UST: variants seen among roughly 807,000 people sequenced by gnomAD.
The protein encoded by UST is chondroitin sulfate 2-O-sulfotransferase.
UST carries 21 observed loss-of-function variants against 45.6 expected under a neutral mutation model. The ratio of observed to expected loss-of-function variants is 0.46; its 90% CI spans 0.33 to 0.66. The LOEUF (loss-of-function observed/expected upper bound fraction) is 0.66. Ranked by LOEUF, UST falls within the 30% of genes least tolerant of loss-of-function variation. UST has a pLI of 0.02. For missense variants in UST, 463 were observed against 512.4 expected (o/e 0.90, Z 0.93); for synonymous variants, 215 against 200.6 (o/e 1.07, Z -0.61).
intron 1 of UST, among the ~76,000 whole-genome samples, chr6:148,845,894 G>T (rs922510023): frequency 1.3e-5 from 2 of 151,460 alleles, no homozygotes; most frequent in African/African-American, 4.8e-5. Context: ...AAACCACAAT[G>T]AGATACCATC....
chr6:148,818,243 C>T (rs1349107196), intron 1 of UST, among the ~76,000 whole-genome samples: 1 of 150,526 alleles, frequency 6.6e-6, no homozygotes, highest in African/African-American at 2.5e-5. Context: ...TGTCTTAGGC[C>T]ACTGAAATAA....
chr6:148,833,932 T>C (rs904141404), intron 1 of UST, among the ~76,000 whole-genome samples: 1 of 152,226 alleles, frequency 6.6e-6, no homozygotes, highest in African/African-American at 2.4e-5. Flanking sequence ...TTCTTATCAA[T>C]ATGAGCATTC....
chr6:148,919,024 TGCTGTAA>T (rs1456639184), intron 2 of UST, among the ~76,000 whole-genome samples: 1 of 152,224 alleles, frequency 6.6e-6, no homozygotes, highest in Admixed American at 6.5e-5. Context: ...GCATGGCTGT[TGCTGTAA>T]GCCTGTGATC....
At chr6:149,038,147 C>T (rs1407805747) in intron 7 of UST, among the ~76,000 whole-genome samples, 1 of 151,830 alleles carries the variant, frequency 6.6e-6, no homozygotes, top group African/African-American at 2.4e-5. Context: ...TAGCAAAGTA[C>T]CTTAGACTTA....
intron 5 of UST, among the ~76,000 whole-genome samples, chr6:148,987,745 G>T (rs1399722727): frequency 6.6e-6 from 1 of 152,048 alleles, no homozygotes. Context: ...TCCACCATTT[G>T]GGAAACATCA....
At chr6:148,871,769 A>G (rs1778563897) in intron 1 of UST, among the ~76,000 whole-genome samples, 2 of 152,200 alleles carry the variant, frequency 1.3e-5, no homozygotes, top group African/African-American at 4.8e-5. Flanking sequence ...ATTTCATTAC[A>G]TAAGAGAAAC....
chr6:148,941,966 C>G (rs574805330), intron 3 of UST, among the ~76,000 whole-genome samples: 72 of 152,140 alleles, frequency 4.7e-4, no homozygotes, highest in African/African-American at 1.7e-3. Context: ...CAATTTTGCC[C>G]TAGTGTAGCT....
intron 7 of UST, among the ~76,000 whole-genome samples, chr6:149,062,655 T>C (rs1412581669): frequency 6.6e-6 from 1 of 152,114 alleles, no homozygotes; most frequent in Non-Finnish European, 1.5e-5. Context: ...GAGAAGTGGG[T>C]GGTTATAGAT....
chr6:148,802,698 G>T lies in UST; in HGVS notation c.247+55021G>T, dbSNP rs969661461. Among the ~76,000 whole-genome samples the T allele has an allele frequency of 3.3e-5, 5 of 152,276 alleles. No individual in the cohort carries two copies. The East Asian group carries it at 9.6e-4, about 29-fold the overall frequency. On this transcript the variant is annotated intron_variant, in intron 1 of 7. Transcript: ENST00000367463. ...GGGTGGGAGGAAATGCTAATATATT[G>T]TCCCAGGTTTTATGCTTGGGAAGCA...
intron 5 of UST, chr6:149,005,508 A>C (rs1781629042): frequency 2.0e-6 from 2 of 985,312 alleles, no homozygotes; most frequent in African/African-American, 1.7e-5. Flanking sequence ...TCATTTAATG[A>C]GATAGAATTA....
intron 4 of UST, among the ~76,000 whole-genome samples, chr6:148,961,488 G>C (rs1041673030): frequency 3.3e-5 from 5 of 152,212 alleles, no homozygotes; most frequent in Non-Finnish European, 7.4e-5. Flanking sequence ...AAAAGCCAAA[G>C]GAATGTTTGA....
chr6:149,029,532 T>G (rs2115024609), intron 7 of UST, among the ~76,000 whole-genome samples: 1 of 148,650 alleles, frequency 6.7e-6, no homozygotes. Flanking sequence ...ACTCTGGCTT[T>G]AGTTTTAAAA....
chr6:148,776,987 T>C (rs1469147903), intron 1 of UST, among the ~76,000 whole-genome samples: 3 of 152,204 alleles, frequency 2.0e-5, no homozygotes, highest in African/African-American at 7.2e-5. Context: ...GTAGCAGCTC[T>C]CCATCCCACT....
At chr6:148,865,664 TTGTGTGTGTGTGTG>T (rs56252604) in intron 1 of UST, among the ~76,000 whole-genome samples, 1,298 of 117,892 alleles carry the variant, frequency 0.011, 19 homozygotes, top group African/African-American at 0.036. Flanking sequence ...CTTGCTGAAA[TTGTGTGTGTGTGTG>T]TGTGTGTGTG....
chr6:148,921,274 A>G (rs956517142), intron 2 of UST, among the ~76,000 whole-genome samples: 1 of 152,212 alleles, frequency 6.6e-6, no homozygotes, highest in Admixed American at 6.5e-5. Flanking sequence ...GATTAAATAC[A>G]TACAGATTAA....
chr6:149,025,195 A>T (rs181349017), intron 7 of UST, among the ~76,000 whole-genome samples: 2 of 152,350 alleles, frequency 1.3e-5, no homozygotes, highest in Admixed American at 6.5e-5. Context: ...ACAGGTTAAT[A>T]ACCTTTCTCA....
At position 148,894,232 on chromosome 6, in the gene UST, T is replaced by C. The variant is rs1045190034; in HGVS notation, c.291+7203T>C. Among the ~76,000 whole-genome samples the C allele has an allele frequency of 2.6e-5, 4 of 152,308 alleles. No homozygotes were observed. In the South Asian group the frequency reaches 6.2e-4, roughly 24 times the overall value. ...GTCACAAATCCAGTTTTGAATGGTG[T>C]CATGGATTGAATTATGTTTTCCCAA... On this transcript the variant is annotated intron_variant, in intron 2 of 7. Transcript: ENST00000367463.
intron 5 of UST, among the ~76,000 whole-genome samples, chr6:148,984,115 G>A (rs1490504766): frequency 6.6e-6 from 1 of 152,200 alleles, no homozygotes; most frequent in Non-Finnish European, 1.5e-5. Context: ...GTGCATAAAT[G>A]TTTAGACTAC....
At chr6:149,009,680 A>G (rs1775772771) in intron 5 of UST, among the ~76,000 whole-genome samples, 1 of 152,200 alleles carries the variant, frequency 6.6e-6, no homozygotes. Context: ...TACTTGAGGA[A>G]TTACTTCAGC....
Sources: allele counts gnomAD v4.1 joint callset (sites outside exome capture counted in the v4.1 genomes callset), GRCh38; gene constraint gnomAD v4.1.1; transcripts MANE v1.5; gene names NCBI Gene and HGNC (gene_info 2026-07-23, HGNC 2026-07-21).